AMZ1: variants seen among roughly 807,000 people sequenced by gnomAD.
AMZ1 encodes archaemetzincin-1.
In AMZ1, 39 loss-of-function variants were observed where a neutral mutation model predicts 29.9. That is an observed-to-expected ratio of 1.30 (90% confidence interval 1.01 to 1.70). The LOEUF (loss-of-function observed/expected upper bound fraction) is 1.70, where lower values mean the gene tolerates loss of function less well. Among genes scored for constraint, AMZ1 ranks in the 40% most tolerant of loss-of-function variants. The pLI is 0.00. For synonymous variants in AMZ1, 458 were observed against 304.0 expected, an observed-to-expected ratio of 1.51 and a Z score of -5.27; for missense variants, 1,041 against 680.6, an observed-to-expected ratio of 1.53 and a Z score of -5.89.
chr7:2,681,053 C>T (rs1050873410), intron 1 of AMZ1, among the ~76,000 whole-genome samples: 9 of 152,250 alleles, frequency 5.9e-5, no homozygotes, highest in Non-Finnish European at 8.8e-5. Flanking sequence ...CTTCCCTGCC[C>T]ACGGATGCCC....
chr7:2,700,180 C>T, intron 1 of AMZ1, 54 bp from the exon 2 acceptor site: 1 of 505,734 alleles, frequency 2.0e-6, no homozygotes, highest in South Asian at 2.8e-5. Context: ...TTGCCTGGGA[C>T]ATCGGGCCCT....
chr7:2,727,192 C>T (rs562128675), intron 4 of AMZ1, among the ~76,000 whole-genome samples: 1 of 152,268 alleles, frequency 6.6e-6, no homozygotes, highest in African/African-American at 2.4e-5. Flanking sequence ...AGCGATTCTC[C>T]TGCCTCTGCT....
At chr7:2,746,945 T>C (rs1322905625) in intron 4 of AMZ1, among the ~76,000 whole-genome samples, 1 of 152,094 alleles carries the variant, frequency 6.6e-6, no homozygotes, top group Non-Finnish European at 1.5e-5. Flanking sequence ...CCTCGACACA[T>C]ACATCCTCCC....
chr7:2,758,943 C>T (rs1409585396), intron 4 of AMZ1, among the ~76,000 whole-genome samples: 1 of 151,998 alleles, frequency 6.6e-6, no homozygotes, highest in Non-Finnish European at 1.5e-5. Context: ...GAGTTCGAGA[C>T]CAGCCTCCTG....
chr7:2,744,075 T>C (rs955802617), intron 4 of AMZ1, among the ~76,000 whole-genome samples: 1 of 152,228 alleles, frequency 6.6e-6, no homozygotes, highest in Non-Finnish European at 1.5e-5. Context: ...CCTGCCTCTG[T>C]AGGTTCCCCC....
At chr7:2,694,370 G>T (rs1029286994) in intron 1 of AMZ1, among the ~76,000 whole-genome samples, 1 of 152,160 alleles carries the variant, frequency 6.6e-6, no homozygotes, top group African/African-American at 2.4e-5. Flanking sequence ...TTTGAATCAC[G>T]CCTTGGGCTT....
intron 4 of AMZ1, among the ~76,000 whole-genome samples, chr7:2,742,307 C>T (rs764087606): frequency 6.6e-6 from 1 of 152,114 alleles, no homozygotes; most frequent in Non-Finnish European, 1.5e-5. Flanking sequence ...TGAGCCACCA[C>T]GCCCAGCCTA....
At chr7:2,701,724 C>T (rs375821663) in intron 2 of AMZ1, among the ~76,000 whole-genome samples, 2 of 152,034 alleles carry the variant, frequency 1.3e-5, no homozygotes, top group Admixed American at 6.5e-5. Flanking sequence ...TTCGGCATCT[C>T]GACAGCAAGC....
rs1189341578 is a variant in AMZ1 at position 2,715,946 on chromosome 7, T to C, written c.*3068T>C. On this transcript the variant is annotated 3_prime_UTR_variant, in exon 7 of 7. Transcript: ENST00000683327. ...GTTTTTAAACACGTGCAAAGTCCACTGAATTGCTTTCTCGTCTCATCTGTC... is the reference window on the plus strand; with the variant it reads ...GTTTTTAAACACGTGCAAAGTCCACCGAATTGCTTTCTCGTCTCATCTGTC... The C allele has an allele frequency of 6.6e-6, 1 of 152,240 alleles. No homozygotes were observed. The highest frequency in any genetic ancestry group is 1.5e-5 in the Non-Finnish European group (1 of 68,036). The allele number at this position is 152,240 out of a possible 1,614,324, so 9.4% of individuals were successfully genotyped here. A position where few individuals can be genotyped will look rare whatever the true frequency, so the allele number is the denominator to read the frequency against.
rs201233762 is a variant in AMZ1 at position 2,700,587 on chromosome 7, G to A, written c.136G>A (p.Glu46Lys). The A allele has an allele frequency of 2.6e-5, 42 of 1,610,354 alleles. No individual in the cohort carries two copies. The highest frequency in any genetic ancestry group is 3.1e-5 in the Non-Finnish European group (36 of 1,179,974). ...FSPAERLFLA[E>K]AYNPQRTLFC... The stretch of plus-strand genomic sequence containing the variant: ...CCCTGCCGAGCGGCTCTTCCTGGCC[G>A]AGGCCTACAACCCGCAGAGGACGCT... The change falls in exon 2 of 7, where the codon GAG becomes AAG. Residue 46 changes from glutamate (E) to lysine (K), a missense_variant. By Grantham distance (56) the Glu-to-Lys change is moderately conservative. Coordinates refer to ENST00000683327, the MANE Select transcript of AMZ1 (RefSeq NM_001384743.1).
rs909426985 is a variant in AMZ1, at chr7:2,714,976, T to C, written c.*2098T>C. 2.0e-5 allele frequency: 3 copies of C among 152,404 alleles called. No individual in the cohort carries two copies. The East Asian group carries it at 5.6e-4, about 29-fold the overall frequency. The allele number at this position is 152,404 out of a possible 1,614,324, so 9.4% of individuals were successfully genotyped here. Reference sequence around the variant, plus strand: ...GGACCTTCATCCATACCCTTCTCTTTTGCATGGCTTCTAAAGGGCATGACA... The same window carrying C: ...GGACCTTCATCCATACCCTTCTCTTCTGCATGGCTTCTAAAGGGCATGACA... On this transcript the variant is annotated 3_prime_UTR_variant, in exon 7 of 7. Coordinates refer to ENST00000683327, the MANE Select transcript of AMZ1 (RefSeq NM_001384743.1).
intron 4 of AMZ1, among the ~76,000 whole-genome samples, chr7:2,752,177 A>T (rs1042938312): frequency 2.6e-5 from 4 of 152,226 alleles, no homozygotes; most frequent in Admixed American, 6.5e-5. Flanking sequence ...TAAGGAAGAA[A>T]AAAATACGAA....
rs569737913 is a variant in AMZ1 at position 2,719,008 on chromosome 7, CTT to C, written c.*6145_*6146del. Reference sequence around the variant, plus strand: ...GGAGGGAAGCTGCAAGAACAGGCGACTTTTTTTTTTTTTTTTCCCCCCCATCT... The same window carrying C: ...GGAGGGAAGCTGCAAGAACAGGCGACTTTTTTTTTTTTTTCCCCCCCATCT... On this transcript the variant is annotated 3_prime_UTR_variant, in exon 7 of 7. Transcript: ENST00000683327. Among the ~76,000 whole-genome samples, 2 of 104,902 alleles carry C rather than the reference CTT, an allele frequency of 1.9e-5. No homozygotes were observed. The allele number at this position is 104,902 out of a possible 152,430, so 68.8% of individuals were successfully genotyped here.
At chr7:2,746,782 AAAG>A (rs1385087202) in intron 4 of AMZ1, among the ~76,000 whole-genome samples, 3 of 152,130 alleles carry the variant, frequency 2.0e-5, no homozygotes, top group Admixed American at 1.3e-4. Context: ...CAAGACTAAT[AAAG>A]AAGAAAAGAG....
intron 3 of AMZ1, among the ~76,000 whole-genome samples, chr7:2,703,486 G>A (rs978538663): frequency 6.9e-6 from 1 of 145,446 alleles, no homozygotes; most frequent in African/African-American, 2.7e-5. Context: ...CCAACCTTCC[G>A]TCTTTGCATA....
chr7:2,712,858 T>C lies in AMZ1; in HGVS notation c.1477T>C (p.Trp493Arg), dbSNP rs1333456343. 5 of 1,523,600 alleles carry C rather than the reference T, an allele frequency of 3.3e-6. No individual in the cohort carries two copies. Among genetic ancestry groups the C allele is most frequent in the Non-Finnish European group, 4.4e-6 (5 of 1,135,594 alleles). The allele number at this position is 1,523,600 out of a possible 1,614,324, so 94.4% of individuals were successfully genotyped here. A position where few individuals can be genotyped will look rare whatever the true frequency, so the allele number is the denominator to read the frequency against. Residue 493 changes from tryptophan to arginine, a missense_variant, in exon 7 of 7, where the codon TGG (tryptophan) becomes CGG (arginine). Transcript: ENST00000683327. ...LARAESAPRP[W>R]DGEES ...CAGAGCAGAGTCGGCCCCCCGTCCCTGGGATGGGGAAGAGAGTTAGTACAG... is the reference window on the plus strand; with the variant it reads ...CAGAGCAGAGTCGGCCCCCCGTCCCCGGGATGGGGAAGAGAGTTAGTACAG...
chr7:2,685,418 C>G (rs929775935), upstream of AMZ1, among the ~76,000 whole-genome samples: 1 of 151,574 alleles, frequency 6.6e-6, no homozygotes. Flanking sequence ...ATTAGCCGGG[C>G]GAGGTGACGG....
intron 1 of AMZ1, among the ~76,000 whole-genome samples, chr7:2,690,197 T>TTG (rs978073283): frequency 1.3e-4 from 19 of 151,862 alleles, no homozygotes; most frequent in South Asian, 4.2e-4. Flanking sequence ...GGCTGTGTTT[T>TTG]TGTGTGTGTG....
At chr7:2,711,663 C>G (rs1157556782) in intron 6 of AMZ1, among the ~76,000 whole-genome samples, 1 of 152,178 alleles carries the variant, frequency 6.6e-6, no homozygotes, top group Non-Finnish European at 1.5e-5. Flanking sequence ...TCAAGTGATC[C>G]TCCTGCCTCT....
Sources: allele counts gnomAD v4.1 joint callset (sites outside exome capture counted in the v4.1 genomes callset), GRCh38; gene constraint gnomAD v4.1.1; transcripts MANE v1.5; gene names NCBI Gene and HGNC (gene_info 2026-07-23, HGNC 2026-07-21).